Variants in CYP39A1 observed in about 807,000 individuals in gnomAD.
The protein encoded by CYP39A1 is 24-hydroxycholesterol 7-alpha-hydroxylase.
In CYP39A1, 49 loss-of-function variants were observed where a neutral mutation model predicts 58.1. That is an observed-to-expected ratio of 0.84 (90% CI 0.67 to 1.07). The LOEUF is 1.07. Ranked by LOEUF, CYP39A1 falls within the 50% of genes least tolerant of loss-of-function variation. The probability of loss-of-function intolerance (pLI) is 0.00; values close to 1 mark genes in which losing one functional copy is unlikely to be tolerated. For synonymous variants in CYP39A1, 209 were observed against 187.6 expected (o/e 1.11, Z -0.93); for missense variants, 531 against 539.4 (o/e 0.98, Z 0.16).
intron 10 of CYP39A1, among the ~76,000 whole-genome samples, chr6:46,573,794 C>T (rs1771716228): frequency 6.6e-6 from 1 of 152,148 alleles, no homozygotes; most frequent in Admixed American, 6.5e-5. Flanking sequence ...AGGCATTTGA[C>T]AGTCTTAACT....
intron 10 of CYP39A1, among the ~76,000 whole-genome samples, chr6:46,570,110 C>G (rs7745490): frequency 0.2 from 30,387 of 151,928 alleles, 3,147 homozygotes; most frequent in African/African-American, 0.21. Flanking sequence ...GGAAATTAAT[C>G]TAGTTTTTCT....
intron 10 of CYP39A1, among the ~76,000 whole-genome samples, chr6:46,564,855 G>A (rs1032206500): frequency 2.6e-5 from 4 of 152,096 alleles, no homozygotes; most frequent in African/African-American, 4.8e-5. Context: ...ATCTTGCCCC[G>A]GAATTCAGAG....
At chr6:46,582,222 T>C (rs1450644396) in intron 10 of CYP39A1, among the ~76,000 whole-genome samples, 1 of 152,198 alleles carries the variant, frequency 6.6e-6, no homozygotes, top group Non-Finnish European at 1.5e-5. Flanking sequence ...AATTGGATTT[T>C]TAACTTGTCA....
intron 2 of CYP39A1, among the ~76,000 whole-genome samples, chr6:46,641,751 A>G (rs1776351280): frequency 6.6e-6 from 1 of 152,230 alleles, no homozygotes; most frequent in South Asian, 2.1e-4. Flanking sequence ...GCCACTGTAA[A>G]GGATTTACTA....
intron 7 of CYP39A1, among the ~76,000 whole-genome samples, chr6:46,604,602 T>C (rs1299203073): frequency 2.0e-5 from 3 of 152,230 alleles, no homozygotes; most frequent in Non-Finnish European, 4.4e-5. Context: ...CAGCAACACA[T>C]ATTAACATGT....
intron 10 of CYP39A1, among the ~76,000 whole-genome samples, chr6:46,563,541 G>A (rs941154348): frequency 4.6e-5 from 7 of 152,066 alleles, no homozygotes; most frequent in East Asian, 3.8e-4. Context: ...CACCAAGACC[G>A]ACACAACACA....
chr6:46,638,105 G>T, intron 3 of CYP39A1, 127 bp from the exon 4 acceptor site: 1 of 926,848 alleles, frequency 1.1e-6, no homozygotes, highest in African/African-American at 1.7e-5. Context: ...ATTCTCTTGG[G>T]AAAAAGTCAC....
In CYP39A1 at chr6:46,637,863, C is replaced by CA. The variant is rs769807039; in HGVS notation, c.603dup (p.Glu202Ter). 6.2e-7 allele frequency: 1 copy of CA among 1,612,328 alleles called. No homozygotes were observed. The highest frequency in any genetic ancestry group is 1.7e-5 in the Admixed American group (1 of 59,584). On this transcript the variant is annotated frameshift_variant, in exon 4 of 12. Transcript: ENST00000275016. LOFTEE classifies it high-confidence loss of function. ...CACTCTGGCAACTGGGACCCATACT[C>CA]AAAATCTTCATCATAAACTTGAAAA... is the stretch of plus-strand genomic sequence containing the variant.
intron 7 of CYP39A1, among the ~76,000 whole-genome samples, chr6:46,616,023 C>T (rs1460598402): frequency 1.0e-5 from 1 of 98,802 alleles, no homozygotes; most frequent in African/African-American, 4.0e-5. Flanking sequence ...CCCTCCCCCT[C>T]CCTCCCTCCT....
chr6:46,561,839 C>T (rs1355310032), intron 10 of CYP39A1, among the ~76,000 whole-genome samples: 1 of 151,986 alleles, frequency 6.6e-6, no homozygotes, highest in Non-Finnish European at 1.5e-5. Flanking sequence ...TTTAGAAATA[C>T]CGTGCATATT....
chr6:46,613,292 T>C (rs1026585695), intron 7 of CYP39A1, among the ~76,000 whole-genome samples: 2 of 152,216 alleles, frequency 1.3e-5, no homozygotes, highest in Non-Finnish European at 2.9e-5. Flanking sequence ...GGATTGCTGC[T>C]AAATCAAAAC....
chr6:46,550,561 A>G, intron 11 of CYP39A1, 124 bp from the exon 12 acceptor site: 1 of 714,372 alleles, frequency 1.4e-6, no homozygotes, highest in Non-Finnish European at 2.2e-6. Flanking sequence ...AAGTTGGGAA[A>G]TGTTTGCATC....
At chr6:46,586,472 T>C (rs1044842005) in intron 10 of CYP39A1, 1 of 976,392 alleles carries the variant, frequency 1.0e-6, no homozygotes, top group South Asian at 4.7e-5. Flanking sequence ...CTGGCACAGA[T>C]GAGATGTTCA....
intron 6 of CYP39A1, among the ~76,000 whole-genome samples, chr6:46,626,146 G>T (rs184331075): frequency 7.2e-5 from 11 of 151,962 alleles, no homozygotes; most frequent in Admixed American, 4.6e-4. Context: ...TAGTATATTT[G>T]CACATTTTCT....
intron 10 of CYP39A1, among the ~76,000 whole-genome samples, chr6:46,576,496 G>A (rs1771854943): frequency 6.6e-6 from 1 of 152,132 alleles, no homozygotes; most frequent in Non-Finnish European, 1.5e-5. Flanking sequence ...TTCTCAACCA[G>A]CCTGAAATAT....
intron 5 of CYP39A1, among the ~76,000 whole-genome samples, chr6:46,633,168 A>G (rs1229592431): frequency 6.6e-6 from 1 of 152,164 alleles, no homozygotes; most frequent in Non-Finnish European, 1.5e-5. Context: ...ATGTGTTATT[A>G]CTGTTTTTGT....
intron 7 of CYP39A1, among the ~76,000 whole-genome samples, chr6:46,597,469 A>T (rs1773237415): frequency 6.6e-6 from 1 of 152,146 alleles, no homozygotes; most frequent in Non-Finnish European, 1.5e-5. Flanking sequence ...CTAGATGAAA[A>T]AGAAAATATT....
In CYP39A1 at chr6:46,589,690, C is replaced by T. The variant is rs1482541443; in HGVS notation, c.1066-1561G>A. Among the ~76,000 whole-genome samples, 5 of 152,124 alleles carry T rather than the reference C, an allele frequency of 3.3e-5. No individual in the cohort carries two copies. In the East Asian group the frequency reaches 7.8e-4, roughly 24 times the overall value. Reference sequence around the variant, plus strand: ...TAAAATAGAGAGACCTGTGAGATCCCAATCCTGTCTGTTTTACTTCCATTG... The same window carrying T: ...TAAAATAGAGAGACCTGTGAGATCCTAATCCTGTCTGTTTTACTTCCATTG... On this transcript the variant is annotated intron_variant, in intron 8 of 11. Transcript: ENST00000275016.
intron 7 of CYP39A1, among the ~76,000 whole-genome samples, chr6:46,597,724 C>T (rs1417813285): frequency 2.0e-5 from 3 of 152,080 alleles, no homozygotes; most frequent in African/African-American, 4.8e-5. Context: ...GAGAGATCCA[C>T]TAAGGCCATA....
Sources: allele counts gnomAD v4.1 joint callset (sites outside exome capture counted in the v4.1 genomes callset), GRCh38; gene constraint gnomAD v4.1.1; transcripts MANE v1.5; gene names NCBI Gene and HGNC (gene_info 2026-07-23, HGNC 2026-07-21).